ZNF804A: variants seen among roughly 807,000 people sequenced by gnomAD.
ZNF804A encodes the protein zinc finger protein 804A.
In ZNF804A, 2 loss-of-function variants were observed where a neutral mutation model predicts 16.5. The ratio of observed to expected loss-of-function variants is 0.12; its 90% CI spans 0.05 to 0.38. The LOEUF is 0.38. Ranked by LOEUF, ZNF804A falls within the 10% of genes least tolerant of loss-of-function variation. The probability of loss-of-function intolerance (pLI) is 0.99; values close to 1 mark genes in which losing one functional copy is unlikely to be tolerated. For missense variants in ZNF804A, 1,473 were observed against 1,390.7 expected (o/e 1.06, Z -0.94); for synonymous variants, 534 against 489.6 (o/e 1.09, Z -1.20).
chr2:184,668,319 A>G (rs1360475665), intron 1 of ZNF804A, among the ~76,000 whole-genome samples: 1 of 151,956 alleles, frequency 6.6e-6, no homozygotes, highest in Non-Finnish European at 1.5e-5. Context: ...TCCAGAGGAC[A>G]TGTTGCTAAG....
intron 1 of ZNF804A, among the ~76,000 whole-genome samples, chr2:184,615,601 C>A (rs1423839862): frequency 6.6e-6 from 1 of 152,124 alleles, no homozygotes; most frequent in Non-Finnish European, 1.5e-5. Flanking sequence ...ATTCTGCATT[C>A]TTTGAGGATT....
chr2:184,849,393 T>C (rs374395799), intron 1 of ZNF804A, among the ~76,000 whole-genome samples: 107 of 152,102 alleles, frequency 7.0e-4, no homozygotes, highest in African/African-American at 2.5e-3. Flanking sequence ...TAAGTGCTGC[T>C]GGGAAAAATG....
chr2:184,691,328 T>C (rs1483189977), intron 1 of ZNF804A, among the ~76,000 whole-genome samples: 1 of 152,100 alleles, frequency 6.6e-6, no homozygotes, highest in South Asian at 2.1e-4. Context: ...TAGGAAAAAC[T>C]ACCAATTCTA....
chr2:184,923,903 C>T (rs1174274824), intron 2 of ZNF804A, among the ~76,000 whole-genome samples: 1 of 151,912 alleles, frequency 6.6e-6, no homozygotes, highest in African/African-American at 2.4e-5. Flanking sequence ...ATACATTCCT[C>T]TTGGTCATGA....
At chr2:184,927,650 C>A (rs1685631608) in intron 2 of ZNF804A, among the ~76,000 whole-genome samples, 1 of 152,182 alleles carries the variant, frequency 6.6e-6, no homozygotes, top group Non-Finnish European at 1.5e-5. Flanking sequence ...AGAAGTCTAC[C>A]TGGTGTTCCA....
At chr2:184,726,760 A>G (rs1171713012) in intron 1 of ZNF804A, among the ~76,000 whole-genome samples, 1 of 151,546 alleles carries the variant, frequency 6.6e-6, no homozygotes, top group Non-Finnish European at 1.5e-5. Flanking sequence ...ATACTTTTGT[A>G]AAAATACACA....
intron 2 of ZNF804A, among the ~76,000 whole-genome samples, chr2:184,909,862 G>T (rs903324451): frequency 5.9e-5 from 9 of 151,942 alleles, no homozygotes; most frequent in Non-Finnish European, 1.2e-4. Context: ...CCCTGCAATT[G>T]TTCAGATCAA....
chr2:184,768,975 T>C (rs1694170807), intron 1 of ZNF804A, among the ~76,000 whole-genome samples: 1 of 152,100 alleles, frequency 6.6e-6, no homozygotes. Context: ...ATCATCACCA[T>C]TATTTACAGA....
At chr2:184,614,619 A>G (rs374299764) in intron 1 of ZNF804A, among the ~76,000 whole-genome samples, 5 of 152,224 alleles carry the variant, frequency 3.3e-5, no homozygotes, top group East Asian at 3.9e-4. Context: ...TTTGGATGAT[A>G]ACTTATGTGG....
chr2:184,931,467 G>A (rs577924187), intron 2 of ZNF804A, among the ~76,000 whole-genome samples: 31 of 152,288 alleles, frequency 2.0e-4, no homozygotes, highest in African/African-American at 5.8e-4. Flanking sequence ...CCAAGACTTC[G>A]GGCTTGCACC....
rs1027596377 is a variant in ZNF804A at position 184,621,318 on chromosome 2, C to T, written c.111+22248C>T. On this transcript the variant is annotated intron_variant, in intron 1 of 3. Coordinates refer to ENST00000302277, the MANE Select transcript of ZNF804A (RefSeq NM_194250.2). Reference sequence around the variant, plus strand: ...TACACTATACATTTGCATGTTGATCCCAGCAACAAATTATTTCCCATTACC... The same window carrying T: ...TACACTATACATTTGCATGTTGATCTCAGCAACAAATTATTTCCCATTACC... Among the ~76,000 whole-genome samples the T allele has an allele frequency of 3.3e-5, 5 of 151,552 alleles. No individual in the cohort carries two copies. The East Asian group carries it at 5.8e-4, about 18-fold the overall frequency.
At chr2:184,855,750 A>C (rs1695677198) in intron 1 of ZNF804A, among the ~76,000 whole-genome samples, 2 of 151,950 alleles carry the variant, frequency 1.3e-5, no homozygotes, top group Non-Finnish European at 1.5e-5. Context: ...TTCTGTTTTC[A>C]GTGAGTTGGA....
rs142698168 is a variant in ZNF804A at position 184,792,402 on chromosome 2, G to A, written c.112-73967G>A. On this transcript the variant is annotated intron_variant, in intron 1 of 3. Coordinates refer to ENST00000302277, the MANE Select transcript of ZNF804A (RefSeq NM_194250.2). ...GTATATTTTTCTAGTCTGTAATTCC[G>A]TAAAGACATATGATGTTGAGTATCT... 4.3e-4 allele frequency among the ~76,000 whole-genome samples: 66 copies of A among 152,172 alleles called. 2 individuals carry two copies. In the East Asian group the frequency reaches 9.7e-3, roughly 22 times the overall value.
rs531962324 is a variant in ZNF804A, at chr2:184,734,614, T to C, written c.112-131755T>C. 2.0e-5 allele frequency among the ~76,000 whole-genome samples: 3 copies of C among 152,316 alleles called. No homozygotes were observed. The South Asian group carries it at 6.2e-4, about 32-fold the overall frequency. On this transcript the variant is annotated intron_variant, in intron 1 of 3. Transcript: ENST00000302277. ...GTGGTCTATCTTGGTGAATGTTCCA[T>C]GTGAACTAGAAAAGAATTAGTATTC...
At chr2:184,783,488 C>T (rs772897609) in intron 1 of ZNF804A, among the ~76,000 whole-genome samples, 1 of 151,758 alleles carries the variant, frequency 6.6e-6, no homozygotes, top group Non-Finnish European at 1.5e-5. Context: ...AAATTTTTGT[C>T]TCTGTTAGAC....
intron 2 of ZNF804A, among the ~76,000 whole-genome samples, chr2:184,884,744 G>A (rs999650947): frequency 4.6e-5 from 7 of 151,980 alleles, no homozygotes; most frequent in African/African-American, 1.4e-4. Context: ...TAAAAACCCT[G>A]GAAGATAACC....
intron 1 of ZNF804A, among the ~76,000 whole-genome samples, chr2:184,830,093 C>G (rs1695238511): frequency 7.1e-6 from 1 of 140,438 alleles, no homozygotes; most frequent in Non-Finnish European, 1.5e-5. Context: ...AAGACCCTGT[C>G]TCAACAACAC....
Position 184,938,552 on chromosome 2 carries a change from C to T in ZNF804A, c.3156C>T (p.Tyr1052=), listed in dbSNP as rs1685835975. 1.2e-6 allele frequency: 2 copies of T among 1,614,088 alleles called. No individual in the cohort carries two copies. Among genetic ancestry groups the T allele is most frequent in the Non-Finnish European group, 1.7e-6 (2 of 1,179,998 alleles). The change falls in exon 4 of 4, where the codon TAC becomes TAT. Residue 1052 remains tyrosine (Y), a synonymous_variant. Coordinates refer to ENST00000302277, the MANE Select transcript of ZNF804A (RefSeq NM_194250.2). Reference sequence around the variant, plus strand: ...TCAAAAATGTACCATGTGAGGTCTACCAGCACATTCTGCAGCCAAACATGC... The same window carrying T: ...TCAAAAATGTACCATGTGAGGTCTATCAGCACATTCTGCAGCCAAACATGC... ...DKFKNVPCEV[Y]QHILQPNMLA...
rs1486735553 is a variant in ZNF804A, at chr2:184,905,602, G to A, written c.256-28001G>A. Among the ~76,000 whole-genome samples, 9 of 152,172 alleles carry A rather than the reference G, an allele frequency of 5.9e-5. No individual in the cohort carries two copies. In the East Asian group the frequency reaches 1.7e-3, roughly 29 times the overall value. On this transcript the variant is annotated intron_variant, in intron 2 of 3. Coordinates refer to ENST00000302277, the MANE Select transcript of ZNF804A (RefSeq NM_194250.2). ...TGTTATTTTTTCTGTAGTAGAACCA[G>A]TATGATTAATACAGTCAGCTATAAT... is the stretch of plus-strand genomic sequence containing the variant.
Sources: allele counts gnomAD v4.1 joint callset (sites outside exome capture counted in the v4.1 genomes callset), GRCh38; gene constraint gnomAD v4.1.1; transcripts MANE v1.5; gene names NCBI Gene and HGNC (gene_info 2026-07-23, HGNC 2026-07-21).